ATP7A: variants seen among roughly 807,000 people sequenced by gnomAD.
ATP7A encodes the protein ATPase copper transporting alpha, also known as copper-transporting ATPase 1.
Under a neutral mutation model 83.5 loss-of-function variants are expected in ATP7A, and 7 were observed. The ratio of observed to expected loss-of-function variants is 0.08; its 90% CI spans 0.05 to 0.16. The LOEUF is 0.16. Among genes scored for constraint, ATP7A ranks in the 10% least tolerant of loss-of-function variants. ATP7A has a pLI of 1.00. For missense variants in ATP7A, 940 were observed against 1,120.8 expected, an observed-to-expected ratio of 0.84 and a Z score of 2.30; for synonymous variants, 354 against 395.2, an observed-to-expected ratio of 0.90 and a Z score of 1.24.
intron 1 of ATP7A, among the ~76,000 whole-genome samples, chrX:77,967,322 C>T (rs1460606636): frequency 2.7e-5 from 3 of 111,975 alleles, no homozygotes; most frequent in Non-Finnish European, 5.6e-5. Context: ...CTCGAGGAAT[C>T]GCCATACTGT....
intron 14 of ATP7A, among the ~76,000 whole-genome samples, chrX:78,022,818 C>T (rs979054088): frequency 1.8e-5 from 2 of 110,491 alleles, no homozygotes; most frequent in African/African-American, 3.3e-5. Flanking sequence ...GTGCCCGGCC[C>T]GTGGATATAT....
chrX:77,939,457 A>T (rs1235128691), intron 1 of ATP7A, among the ~76,000 whole-genome samples: 1 of 110,760 alleles, frequency 9.0e-6, no homozygotes, highest in Non-Finnish European at 1.9e-5. Flanking sequence ...TTAAAAACTT[A>T]TTTTTTATTA....
chrX:77,983,301 T>G (rs1243025551), intron 2 of ATP7A, among the ~76,000 whole-genome samples: 2 of 112,377 alleles, frequency 1.8e-5, no homozygotes, highest in African/African-American at 6.5e-5. Context: ...GATTATTTTA[T>G]CTAGTCTCTC....
chrX:77,922,279 A>G lies in ATP7A; in HGVS notation c.-22+11444A>G, dbSNP rs922485472. On this transcript the variant is annotated intron_variant, in intron 1 of 22. Transcript: ENST00000341514. ...CAACACTTTGGGAGGACCAGGCAGG[A>G]GGGTTGCTTGAGGCTGGGAGTTTGA... 3.6e-5 allele frequency among the ~76,000 whole-genome samples: 4 copies of G among 111,146 alleles called. No homozygotes were observed. The East Asian group carries it at 1.1e-3, about 32-fold the overall frequency.
rs1008992769 is a variant in ATP7A, at chrX:78,049,861, T to C, written c.*3291T>C. On this transcript the variant is annotated 3_prime_UTR_variant, in exon 23 of 23. Coordinates refer to ENST00000341514, the MANE Select transcript of ATP7A (RefSeq NM_000052.7). Reference sequence around the variant, plus strand: ...TGCTTTAAAATGATTTTTCTTGATATTTATTTTACTCCATTTTGTTTTTTT... The same window carrying C: ...TGCTTTAAAATGATTTTTCTTGATACTTATTTTACTCCATTTTGTTTTTTT... 6.2e-5 allele frequency: 7 copies of C among 112,061 alleles called. No homozygotes were observed. The East Asian group carries it at 1.7e-3, about 27-fold the overall frequency. The allele number at this position is 112,061 out of a possible 1,213,427, so 9.2% of individuals were successfully genotyped here.
chrX:78,043,227 A>G (rs2078061113), intron 20 of ATP7A, 90 bp from the exon 21 acceptor site: 1 of 639,714 alleles, frequency 1.6e-6, no homozygotes, highest in African/African-American at 2.2e-5. Flanking sequence ...CCTAAGGTAG[A>G]CGTAATCTTC....
chrX:78,008,128 ACAATT>A (rs782469887), intron 6 of ATP7A, among the ~76,000 whole-genome samples: 1 of 112,120 alleles, frequency 8.9e-6, no homozygotes, highest in East Asian at 2.8e-4. Flanking sequence ...GATGGTTCTT[ACAATT>A]TCTGCCAGTT....
chrX:77,990,854 T>C (rs1225688300), intron 4 of ATP7A, among the ~76,000 whole-genome samples: 2 of 112,113 alleles, frequency 1.8e-5, no homozygotes, highest in Non-Finnish European at 3.8e-5. Flanking sequence ...CTATCCTGAT[T>C]AGAATGAAAG....
chrX:77,983,931 C>A (rs981156491), intron 2 of ATP7A, among the ~76,000 whole-genome samples: 7 of 111,477 alleles, frequency 6.3e-5, no homozygotes, highest in Admixed American at 5.8e-4. Flanking sequence ...GTGATACACC[C>A]ACCTCGGCCT....
intron 4 of ATP7A, among the ~76,000 whole-genome samples, chrX:77,991,985 G>A (rs2077672652): frequency 9.1e-6 from 1 of 109,798 alleles, no homozygotes; most frequent in Admixed American, 9.8e-5. Context: ...TCGTGTCACT[G>A]TACTCCAGCC....
Position 78,043,417 on chromosome X carries a change from G to C in ATP7A, c.4106G>C (p.Gly1369Ala). 1 of 1,203,788 alleles carries C rather than the reference G, an allele frequency of 8.3e-7. No homozygotes were observed. Among genetic ancestry groups the C allele is most frequent in the South Asian group, 1.8e-5 (1 of 56,823 alleles). Residue 1369 changes from glycine (G) to alanine (A), a missense_variant, in exon 21 of 23, where the codon GGA (glycine) becomes GCA (alanine). Coordinates refer to ENST00000341514, the MANE Select transcript of ATP7A (RefSeq NM_000052.7). ...FVFALIYNLV[G>A]IPIAAGVFMP... ...TTTGCTCTAATTTATAATCTGGTTG[G>C]AATTCCCATAGCTGCTGGTATGTGA...
Position 78,038,988 on chromosome X carries a change from G to C in ATP7A, c.3658+6G>C. 1 of 1,207,355 alleles carries C rather than the reference G, an allele frequency of 8.3e-7. No homozygotes were observed. The highest frequency in any genetic ancestry group is 1.8e-5 in the South Asian group (1 of 56,805). On this transcript the variant is annotated splice_donor_region_variant and intron_variant, in intron 18 of 22. Transcript: ENST00000341514. ...TGTATTAGTAGCAGTTGATGGTAAG[G>C]TTTTCCATAAGTATGCTATAACTCA... is the stretch of plus-strand genomic sequence containing the variant.
chrX:78,032,971 A>G (rs1195984679), intron 16 of ATP7A, among the ~76,000 whole-genome samples: 3 of 112,212 alleles, frequency 2.7e-5, no homozygotes, highest in African/African-American at 9.7e-5. Flanking sequence ...TTTGCCCTGT[A>G]CTGAGTAGAA....
At chrX:78,026,084 T>G (rs1052290429) in intron 14 of ATP7A, among the ~76,000 whole-genome samples, 2 of 111,489 alleles carry the variant, frequency 1.8e-5, no homozygotes, top group Non-Finnish European at 3.8e-5. Context: ...AACTCATATA[T>G]CAATATTAAA....
intron 16 of ATP7A, among the ~76,000 whole-genome samples, chrX:78,032,272 T>C (rs1557237185): frequency 9.0e-6 from 1 of 111,450 alleles, no homozygotes; most frequent in Non-Finnish European, 1.9e-5. Flanking sequence ...TTTTGACTTT[T>C]GCAGTATATA....
rs1396281217 is a variant in ATP7A at position 77,948,092 on chromosome X, TATTTATTTATTC to T, written c.-21-23525_-21-23514del. 7.4e-4 allele frequency among the ~76,000 whole-genome samples: 71 copies of T among 95,841 alleles called. 1 individual carries two copies. Among genetic ancestry groups the T allele is most frequent in the Admixed American group, 2.3e-3 (20 of 8,561 alleles). The allele number at this position is 95,841 out of a possible 115,157, so 83.2% of individuals were successfully genotyped here. A position where few individuals can be genotyped will look rare whatever the true frequency, so the allele number is the denominator to read the frequency against. On this transcript the variant is annotated intron_variant, in intron 1 of 22. Transcript: ENST00000341514. ...TTATTTATTTATTTATTTATTTATTTATTTATTTATTCATTCATTCATTCATTCATTCGTTCA... is the reference window on the plus strand; with the variant it reads ...TTATTTATTTATTTATTTATTTATTTATTCATTCATTCATTCATTCGTTCA...
chrX:78,007,118 A>G (rs1381085843), intron 6 of ATP7A, among the ~76,000 whole-genome samples: 8 of 111,689 alleles, frequency 7.2e-5, no homozygotes, highest in Admixed American at 3.8e-4. Context: ...ACCATTTCAT[A>G]TCCCCACCAA....
chrX:77,924,880 C>T (rs1421640663), intron 1 of ATP7A, among the ~76,000 whole-genome samples: 2 of 111,404 alleles, frequency 1.8e-5, no homozygotes, highest in East Asian at 5.7e-4. Context: ...TGGGTAGAGA[C>T]GGGGTTTCGC....
At chrX:78,030,910 C>T (rs1230949646) in intron 15 of ATP7A, among the ~76,000 whole-genome samples, 1 of 109,920 alleles carries the variant, frequency 9.1e-6, no homozygotes, top group Non-Finnish European at 1.9e-5. Context: ...AGGCTGGTCT[C>T]GATCTCCTGA....
Sources: gnomAD v4.1 joint callset for allele counts (sites outside exome capture counted in the v4.1 genomes callset) on GRCh38, gnomAD v4.1.1 for gene constraint, MANE v1.5 for transcripts, NCBI Gene and HGNC (gene_info 2026-07-23, HGNC 2026-07-21) for gene names.